CACNA2D1: variants seen among roughly 807,000 people sequenced by gnomAD.
CACNA2D1 encodes the protein calcium voltage-gated channel auxiliary subunit alpha2delta 1.
CACNA2D1 carries 53 observed loss-of-function variants against 171.5 expected under a neutral mutation model. That is an observed-to-expected ratio of 0.31 (90% CI 0.25 to 0.39). CACNA2D1 has a LOEUF of 0.39. Among genes scored for constraint, CACNA2D1 ranks in the 10% least tolerant of loss-of-function variants. The pLI is 1.00. For synonymous variants in CACNA2D1, 442 were observed against 443.1 expected (o/e 1.00, Z 0.03); for missense variants, 903 against 1,299.8 (o/e 0.69, Z 4.69).
At chr7:82,162,844 T>C (rs867925205) in intron 4 of CACNA2D1, among the ~76,000 whole-genome samples, 2 of 151,964 alleles carry the variant, frequency 1.3e-5, no homozygotes, top group Non-Finnish European at 2.9e-5. Context: ...TAGCTCCCAA[T>C]GTCAAAATGT....
chr7:82,251,974 T>C (rs1805700426), intron 3 of CACNA2D1, among the ~76,000 whole-genome samples: 1 of 152,228 alleles, frequency 6.6e-6, no homozygotes, highest in South Asian at 2.1e-4. Context: ...CTCTATGATA[T>C]ATGTACTTTG....
Position 82,294,224 on chromosome 7 carries a change from T to G in CACNA2D1, c.294+40911A>C, listed in dbSNP as rs188283792. On this transcript the variant is annotated intron_variant, in intron 3 of 38. Coordinates refer to ENST00000356860, the MANE Select transcript of CACNA2D1 (RefSeq NM_000722.4). Reference sequence around the variant, plus strand: ...AAATATCTAGTCAAGATATTCTTATTTCTTACTACTAAAAGTACTTAAAAT... The same window carrying G: ...AAATATCTAGTCAAGATATTCTTATGTCTTACTACTAAAAGTACTTAAAAT... Among the ~76,000 whole-genome samples the G allele has an allele frequency of 1.9e-4, 29 of 152,302 alleles. 1 individual carries two copies. The East Asian group carries it at 5.6e-3, about 29-fold the overall frequency.
chr7:82,334,068 T>C (rs553209317), intron 3 of CACNA2D1, among the ~76,000 whole-genome samples: 1 of 152,222 alleles, frequency 6.6e-6, no homozygotes, highest in Admixed American at 6.5e-5. Flanking sequence ...AAAATTTCAC[T>C]GAAGAGGAAA....
chr7:82,040,270 C>A (rs921901995), intron 10 of CACNA2D1, among the ~76,000 whole-genome samples: 1 of 151,926 alleles, frequency 6.6e-6, no homozygotes, highest in South Asian at 2.1e-4. Context: ...ACATGGGCAT[C>A]TGGAAGGATA....
intron 3 of CACNA2D1, among the ~76,000 whole-genome samples, chr7:82,226,877 C>T (rs1226369527): frequency 1.3e-5 from 2 of 152,056 alleles, no homozygotes; most frequent in Non-Finnish European, 2.9e-5. Context: ...AGGCACTGTG[C>T]CCAGTTTAAC....
chr7:82,123,865 G>T (rs12540306), intron 5 of CACNA2D1, among the ~76,000 whole-genome samples: 26,440 of 152,072 alleles, frequency 0.17, 2,610 homozygotes, highest in East Asian at 0.34. Flanking sequence ...GTAGTAAATA[G>T]ACTAGGTAGT....
rs145568657 is a variant in CACNA2D1, at chr7:82,296,727, G to A, written c.294+38408C>T. ...GTGGACATTCTTTATGATTTCATTT[G>A]TTATATAGTATTCTGATTAATTGCA... On this transcript the variant is annotated intron_variant, in intron 3 of 38. Coordinates refer to ENST00000356860, the MANE Select transcript of CACNA2D1 (RefSeq NM_000722.4). 1.6e-3 allele frequency among the ~76,000 whole-genome samples: 238 copies of A among 152,050 alleles called. 1 individual carries two copies. Among genetic ancestry groups the A allele is most frequent in the African/African-American group, 5.4e-3 (225 of 41,484 alleles).
At chr7:82,116,394 A>C (rs1275800063) in intron 6 of CACNA2D1, among the ~76,000 whole-genome samples, 1 of 151,848 alleles carries the variant, frequency 6.6e-6, no homozygotes, top group Non-Finnish European at 1.5e-5. Flanking sequence ...TATTTTCCTA[A>C]ACACTTTTTT....
chr7:82,346,470 T>C (rs1193415099), intron 2 of CACNA2D1, among the ~76,000 whole-genome samples: 3 of 152,108 alleles, frequency 2.0e-5, no homozygotes, highest in Non-Finnish European at 4.4e-5. Flanking sequence ...CCTTAGGGAT[T>C]TTTCAGAGGG....
chr7:82,087,894 G>C (rs371007635), intron 6 of CACNA2D1, among the ~76,000 whole-genome samples: 1 of 152,006 alleles, frequency 6.6e-6, no homozygotes. Flanking sequence ...CACAATACCG[G>C]CCATGCTAAA....
chr7:82,262,151 G>A (rs1325007657), intron 3 of CACNA2D1, among the ~76,000 whole-genome samples: 2 of 152,180 alleles, frequency 1.3e-5, no homozygotes, highest in Non-Finnish European at 2.9e-5. Flanking sequence ...CTAACACGGT[G>A]AAACCCCGTC....
intron 1 of CACNA2D1, among the ~76,000 whole-genome samples, chr7:82,436,449 C>G (rs562048524): frequency 1.3e-5 from 2 of 152,148 alleles, no homozygotes; most frequent in East Asian, 1.9e-4. Context: ...TTCATAAAAA[C>G]TAAGAATTTT....
At chr7:82,104,865 T>G (rs116434331) in intron 6 of CACNA2D1, among the ~76,000 whole-genome samples, 2 of 152,074 alleles carry the variant, frequency 1.3e-5, no homozygotes, top group Non-Finnish European at 2.9e-5. Context: ...TGATTATATA[T>G]AACACTTGCA....
intron 5 of CACNA2D1, among the ~76,000 whole-genome samples, chr7:82,136,178 A>G (rs1791575881): frequency 6.6e-6 from 1 of 152,218 alleles, no homozygotes; most frequent in Admixed American, 6.5e-5. Context: ...AGACTGTACA[A>G]GCAGGGCAGG....
chr7:81,951,109 CAAAT>C (rs1792466895), intron 38 of CACNA2D1, among the ~76,000 whole-genome samples: 1 of 151,922 alleles, frequency 6.6e-6, no homozygotes, highest in Non-Finnish European at 1.5e-5. Context: ...TTTTGCTTTG[CAAAT>C]ATATATCCAA....
At chr7:82,001,627 G>A (rs1209540214) in intron 18 of CACNA2D1, 5 of 877,466 alleles carry the variant, frequency 5.7e-6, no homozygotes, top group Non-Finnish European at 6.5e-6. Flanking sequence ...AAATTTGAAA[G>A]CACTGTTAAG....
chr7:81,977,465 A>T (rs898604332), intron 24 of CACNA2D1, among the ~76,000 whole-genome samples: 1 of 152,028 alleles, frequency 6.6e-6, no homozygotes, highest in African/African-American at 2.4e-5. Flanking sequence ...ATTTTTGACA[A>T]ACCTGACAAA....
intron 4 of CACNA2D1, among the ~76,000 whole-genome samples, chr7:82,158,028 T>C (rs1794546591): frequency 2.6e-5 from 4 of 151,866 alleles, no homozygotes; most frequent in Admixed American, 1.3e-4. Context: ...TGAATATATA[T>C]ACACATACAA....
At chr7:82,260,105 C>G (rs996997719) in intron 3 of CACNA2D1, among the ~76,000 whole-genome samples, 10 of 151,940 alleles carry the variant, frequency 6.6e-5, no homozygotes, top group Non-Finnish European at 1.2e-4. Context: ...GCCTGTAATC[C>G]CAGCTTCTTG....
Sources: allele counts gnomAD v4.1 joint callset (sites outside exome capture counted in the v4.1 genomes callset), GRCh38; gene constraint gnomAD v4.1.1; transcripts MANE v1.5; gene names NCBI Gene and HGNC (gene_info 2026-07-23, HGNC 2026-07-21).